LRIG1: variants seen among roughly 807,000 people sequenced by gnomAD.
LRIG1 encodes leucine-rich repeats and immunoglobulin-like domains protein 1.
In LRIG1, 48 loss-of-function variants were observed where a neutral mutation model predicts 99.2. That is an observed-to-expected ratio of 0.48 (90% CI 0.38 to 0.62). The LOEUF (loss-of-function observed/expected upper bound fraction) is 0.62. Among genes scored for constraint, LRIG1 ranks in the 20% least tolerant of loss-of-function variants. LRIG1 has a pLI of 0.00. For missense variants in LRIG1, 1,646 were observed against 1,434.4 expected (o/e 1.15, Z -2.38); for synonymous variants, 772 against 596.1 (o/e 1.29, Z -4.30).
intron 12 of LRIG1, among the ~76,000 whole-genome samples, chr3:66,389,652 A>C (rs1701538035): frequency 6.6e-6 from 1 of 152,196 alleles, no homozygotes; most frequent in Admixed American, 6.5e-5. Flanking sequence ...ATATATACCT[A>C]ATGGAGCGCC....
chr3:66,436,578 G>A (rs993383746), intron 3 of LRIG1, among the ~76,000 whole-genome samples: 2 of 152,120 alleles, frequency 1.3e-5, no homozygotes, highest in East Asian at 1.9e-4. Flanking sequence ...CCCCTCATTT[G>A]AGGTCAAAAG....
intron 1 of LRIG1, 82 bp downstream of exon 1, chr3:66,500,108 T>C: frequency 9.0e-7 from 1 of 1,114,730 alleles, no homozygotes; most frequent in South Asian, 1.5e-5. Context: ...CCGCACCCCC[T>C]CCCTGAGTAC....
intron 3 of LRIG1, among the ~76,000 whole-genome samples, chr3:66,418,157 T>A (rs1702679567): frequency 1.3e-5 from 2 of 152,172 alleles, no homozygotes; most frequent in Non-Finnish European, 2.9e-5. Context: ...AGTGGCGCCA[T>A]CTTGGCTCAC....
At chr3:66,484,424 C>T (rs532200617) in intron 1 of LRIG1, among the ~76,000 whole-genome samples, 3 of 152,282 alleles carry the variant, frequency 2.0e-5, no homozygotes, top group Admixed American at 2.0e-4. Context: ...AACATTCACA[C>T]AAAACTTCTA....
At chr3:66,417,863 G>A (rs1383315267) in intron 3 of LRIG1, among the ~76,000 whole-genome samples, 1 of 151,864 alleles carries the variant, frequency 6.6e-6, no homozygotes, top group Non-Finnish European at 1.5e-5. Flanking sequence ...TCACTGCTGA[G>A]TCTAACTGAA....
chr3:66,414,693 G>C (rs1702569928), intron 5 of LRIG1, among the ~76,000 whole-genome samples: 1 of 152,196 alleles, frequency 6.6e-6, no homozygotes, highest in African/African-American at 2.4e-5. Context: ...AAACATCAGG[G>C]AAGAAAAGCG....
chr3:66,423,210 G>T (rs1269467261), intron 3 of LRIG1, among the ~76,000 whole-genome samples: 2 of 152,166 alleles, frequency 1.3e-5, no homozygotes, highest in Non-Finnish European at 2.9e-5. Flanking sequence ...TAACACCATT[G>T]AACTCCACAT....
In LRIG1 at chr3:66,414,119, C is replaced by T. The variant is rs150108072; in HGVS notation, c.647+801G>A. On this transcript the variant is annotated intron_variant, in intron 5 of 18. Coordinates refer to ENST00000273261, the MANE Select transcript of LRIG1 (RefSeq NM_015541.3). Reference sequence around the variant, plus strand: ...TTGTTTACAAAAATAATAAATCGGCCGGGTGCGGTGGCTCATGCCTGTAAT... The same window carrying T: ...TTGTTTACAAAAATAATAAATCGGCTGGGTGCGGTGGCTCATGCCTGTAAT... Among the ~76,000 whole-genome samples, 441 of 152,174 alleles carry T rather than the reference C, an allele frequency of 2.9e-3. 2 individuals carry two copies. The highest frequency in any genetic ancestry group is 9.5e-3 in the African/African-American group (393 of 41,510).
At chr3:66,474,999 G>A (rs535001646) in intron 1 of LRIG1, among the ~76,000 whole-genome samples, 34 of 152,340 alleles carry the variant, frequency 2.2e-4, no homozygotes, top group African/African-American at 7.9e-4. Flanking sequence ...GCACTAGAGA[G>A]AGACAAGAGC....
intron 11 of LRIG1, among the ~76,000 whole-genome samples, chr3:66,396,668 C>G (rs1188669468): frequency 6.6e-6 from 1 of 152,196 alleles, no homozygotes; most frequent in Non-Finnish European, 1.5e-5. Context: ...CCAGTTCCTC[C>G]CAACTTCCCA....
At chr3:66,487,036 C>G (rs1054603160) in intron 1 of LRIG1, among the ~76,000 whole-genome samples, 2 of 152,142 alleles carry the variant, frequency 1.3e-5, no homozygotes, top group African/African-American at 4.8e-5. Context: ...CCAAATTCTT[C>G]TAACAATAAC....
chr3:66,396,328 G>T (rs923290683), intron 11 of LRIG1, among the ~76,000 whole-genome samples: 6 of 152,234 alleles, frequency 3.9e-5, no homozygotes, highest in African/African-American at 1.4e-4. Flanking sequence ...GGAGAGCACA[G>T]CGCCATCGGC....
chr3:66,423,177 T>C (rs902939612), intron 3 of LRIG1, among the ~76,000 whole-genome samples: 5 of 152,244 alleles, frequency 3.3e-5, no homozygotes, highest in African/African-American at 1.2e-4. Context: ...TTCTGGAGAC[T>C]GGTTGCACAA....
At chr3:66,426,198 G>C (rs538897718) in intron 3 of LRIG1, among the ~76,000 whole-genome samples, 33 of 152,370 alleles carry the variant, frequency 2.2e-4, no homozygotes, top group African/African-American at 7.7e-4. Flanking sequence ...CATTGGGCCA[G>C]ATGGTAAATT....
At chr3:66,382,757 C>T (rs900205629) in intron 15 of LRIG1, among the ~76,000 whole-genome samples, 5 of 152,154 alleles carry the variant, frequency 3.3e-5, no homozygotes, top group Non-Finnish European at 5.9e-5. Flanking sequence ...CTGCATGGTG[C>T]GTCAGTTACT....
At chr3:66,422,336 C>G (rs1463909371) in intron 3 of LRIG1, among the ~76,000 whole-genome samples, 1 of 152,192 alleles carries the variant, frequency 6.6e-6, no homozygotes, top group African/African-American at 2.4e-5. Flanking sequence ...CCTTTTGAAA[C>G]TGAATGCCTT....
intron 2 of LRIG1, among the ~76,000 whole-genome samples, chr3:66,452,234 T>G (rs1703928780): frequency 6.6e-6 from 1 of 152,236 alleles, no homozygotes. Context: ...CACACACTTT[T>G]GCGCATAGAC....
chr3:66,424,888 G>A (rs563114893), intron 3 of LRIG1, among the ~76,000 whole-genome samples: 66 of 152,356 alleles, frequency 4.3e-4, no homozygotes, highest in South Asian at 2.5e-3. Context: ...TGGGCTTTGT[G>A]TTAGATGATT....
At chr3:66,398,064 G>C in intron 11 of LRIG1, 48 bp downstream of exon 11, 1 of 1,431,988 alleles carries the variant, frequency 7.0e-7, no homozygotes, top group South Asian at 1.2e-5. Flanking sequence ...TTCTTACTCT[G>C]AAAGTCTCCA....
Sources: allele counts gnomAD v4.1 joint callset (sites outside exome capture counted in the v4.1 genomes callset), GRCh38; gene constraint gnomAD v4.1.1; transcripts MANE v1.5; gene names NCBI Gene and HGNC (gene_info 2026-07-23, HGNC 2026-07-21).